Variants in FRYL observed in about 807,000 individuals in gnomAD.
The protein encoded by FRYL is FRY like transcription coactivator.
FRYL carries 150 observed loss-of-function variants against 351.2 expected under a neutral mutation model. The ratio of observed to expected loss-of-function variants is 0.43; its 90% confidence interval spans 0.37 to 0.49. The LOEUF (loss-of-function observed/expected upper bound fraction) is 0.49, where lower values mean the gene tolerates loss of function less well. Ranked by LOEUF, FRYL falls within the 20% of genes least tolerant of loss-of-function variation. The pLI is 0.00. For missense variants in FRYL, 3,036 were observed against 3,619.3 expected, an observed-to-expected ratio of 0.84 and a Z score of 4.13; for synonymous variants, 1,153 against 1,257.1, an observed-to-expected ratio of 0.92 and a Z score of 1.75.
chr4:48,572,625 T>C (rs1738594901), intron 26 of FRYL, among the ~76,000 whole-genome samples: 1 of 152,212 alleles, frequency 6.6e-6, no homozygotes, highest in Non-Finnish European at 1.5e-5. Flanking sequence ...GAATCTCTTC[T>C]CTATGATTTT....
intron 4 of FRYL, among the ~76,000 whole-genome samples, chr4:48,628,843 G>A (rs1347219832): frequency 2.0e-5 from 3 of 151,694 alleles, no homozygotes. Flanking sequence ...TAAATTGAAA[G>A]AATAAAAAGT....
chr4:48,520,040 A>T (rs547681135), intron 55 of FRYL, among the ~76,000 whole-genome samples: 3 of 152,264 alleles, frequency 2.0e-5, no homozygotes, highest in African/African-American at 7.2e-5. Context: ...CTGAAATGAA[A>T]TTTTTTTAAA....
intron 3 of FRYL, chr4:48,646,151 A>G (rs1350457197): frequency 6.6e-6 from 1 of 152,202 alleles, no homozygotes; most frequent in Non-Finnish European, 1.5e-5. Context: ...ATGATAATGG[A>G]TATTAATAAT....
chr4:48,598,265 T>C (rs1185100775), intron 13 of FRYL, among the ~76,000 whole-genome samples: 1 of 152,162 alleles, frequency 6.6e-6, no homozygotes, highest in Non-Finnish European at 1.5e-5. Context: ...AAAAATTAAT[T>C]TGTCAGTACT....
chr4:48,746,427 C>T (rs1444391573), intron 1 of FRYL, among the ~76,000 whole-genome samples: 2 of 151,852 alleles, frequency 1.3e-5, no homozygotes, highest in Non-Finnish European at 2.9e-5. Context: ...TGCCTGTATT[C>T]CCAGCTACTC....
intron 1 of FRYL, among the ~76,000 whole-genome samples, chr4:48,734,030 T>C (rs1332242659): frequency 6.6e-6 from 1 of 151,990 alleles, no homozygotes; most frequent in Non-Finnish European, 1.5e-5. Context: ...TAGAAAAGAA[T>C]AACAAATATT....
chr4:48,724,665 G>A (rs1415805992), intron 1 of FRYL, among the ~76,000 whole-genome samples: 2 of 152,060 alleles, frequency 1.3e-5, no homozygotes, highest in African/African-American at 4.8e-5. Context: ...TTAAACAAAC[G>A]GTGCCCCTGA....
rs57457069 is a variant in FRYL, at chr4:48,525,163, GTATATATA to G, written c.7318-2067_7318-2060del. Among the ~76,000 whole-genome samples the G allele has an allele frequency of 5.4e-3, 758 of 139,908 alleles. 6 individuals are homozygous for G. The highest frequency in any genetic ancestry group is 0.019 in the African/African-American group (674 of 35,296). The allele number at this position is 139,908 out of a possible 152,430, so 91.8% of individuals were successfully genotyped here. Reference sequence around the variant, plus strand: ...ATTCTTGCAACTTTTATTTTTAAAGGTATATATATATATATATATATATATATATATAT... The same window carrying G: ...ATTCTTGCAACTTTTATTTTTAAAGGTATATATATATATATATATATATAT... On this transcript the variant is annotated intron_variant, in intron 53 of 63. Transcript: ENST00000358350.
chr4:48,773,887 T>C (rs2109427633), intron 1 of FRYL, among the ~76,000 whole-genome samples: 1 of 152,316 alleles, frequency 6.6e-6, no homozygotes, highest in Non-Finnish European at 1.5e-5. Flanking sequence ...ACTGCACCAC[T>C]GCACTCCAGC....
chr4:48,613,641 T>C (rs771443147), intron 7 of FRYL, among the ~76,000 whole-genome samples: 1 of 152,160 alleles, frequency 6.6e-6, no homozygotes, highest in Admixed American at 6.5e-5. Context: ...ATATACTATG[T>C]CCCTAGATTC....
intron 23 of FRYL, 33 bp from the exon 24 acceptor site, chr4:48,576,255 G>A (rs1357646147): frequency 5.5e-6 from 8 of 1,445,720 alleles, no homozygotes; most frequent in Non-Finnish European, 7.5e-6. Flanking sequence ...AGGCAGATAT[G>A]AATAACACAA....
At chr4:48,511,702 A>G (rs1722511522) in intron 57 of FRYL, among the ~76,000 whole-genome samples, 1 of 152,218 alleles carries the variant, frequency 6.6e-6, no homozygotes, top group East Asian at 1.9e-4. Context: ...ACAGAATTAA[A>G]TAAGCGCTCC....
chr4:48,568,530 A>T (rs1431097735), intron 27 of FRYL, among the ~76,000 whole-genome samples: 2 of 152,110 alleles, frequency 1.3e-5, no homozygotes, highest in African/African-American at 4.8e-5. Flanking sequence ...GCTTTTTCTT[A>T]TTATGTTTGA....
chr4:48,605,880 T>A (rs766073897), intron 10 of FRYL, 47 bp from the exon 11 acceptor site: 1 of 1,144,036 alleles, frequency 8.7e-7, no homozygotes, highest in Non-Finnish European at 1.3e-6. Flanking sequence ...AGAGGAAAGG[T>A]TAAAGAATTT....
intron 33 of FRYL, among the ~76,000 whole-genome samples, chr4:48,559,216 C>G (rs1468459252): frequency 2.0e-5 from 3 of 152,092 alleles, no homozygotes; most frequent in Non-Finnish European, 4.4e-5. Context: ...TCTATCAAGA[C>G]ATCAATTTTA....
At chr4:48,772,147 C>T (rs1578989669) in intron 1 of FRYL, among the ~76,000 whole-genome samples, 1 of 152,118 alleles carries the variant, frequency 6.6e-6, no homozygotes, top group Admixed American at 6.5e-5. Context: ...TGTATATGTA[C>T]CATCTTTTAA....
intron 24 of FRYL, 136 bp downstream of exon 24, chr4:48,575,894 G>T: frequency 1.6e-6 from 1 of 633,120 alleles, no homozygotes; most frequent in Non-Finnish European, 2.6e-6. Flanking sequence ...GCTTTCTTGA[G>T]GTATTTTCCT....
chr4:48,596,013 A>C lies in FRYL; in HGVS notation c.1036-13T>G. ...TCGGATCTTTATTCTGTTTTAAAAC[A>C]AAAGAGAATAAACTTATTATAATAC... On this transcript the variant is annotated splice_polypyrimidine_tract_variant and intron_variant, in intron 13 of 63. Transcript: ENST00000358350. The C allele has an allele frequency of 6.6e-7, 1 of 1,511,994 alleles. No homozygotes were observed. The highest frequency in any genetic ancestry group is 9.1e-7 in the Non-Finnish European group (1 of 1,099,864). The allele number at this position is 1,511,994 out of a possible 1,614,324, so 93.7% of individuals were successfully genotyped here.
At chr4:48,779,258 C>G (rs1200167311) in intron 1 of FRYL, among the ~76,000 whole-genome samples, 2 of 152,232 alleles carry the variant, frequency 1.3e-5, no homozygotes, top group Non-Finnish European at 2.9e-5. Flanking sequence ...AAGAAGAGCT[C>G]AGCGCCCAGG....
Sources: gnomAD v4.1 joint callset for allele counts (sites outside exome capture counted in the v4.1 genomes callset) on GRCh38, gnomAD v4.1.1 for gene constraint, MANE v1.5 for transcripts, NCBI Gene and HGNC (gene_info 2026-07-23, HGNC 2026-07-21) for gene names.